Variants in RCOR3 observed in about 807,000 individuals in gnomAD.
The protein encoded by RCOR3 is REST corepressor 3.
Under a neutral mutation model 64.1 loss-of-function variants are expected in RCOR3, and 13 were observed. The observed-to-expected ratio is 0.20, with a 90% confidence interval of 0.13 to 0.32. RCOR3 has a LOEUF of 0.32. RCOR3 is among the 10% of genes least tolerant of loss of function. RCOR3 has a pLI of 1.00. For missense variants in RCOR3, 489 were observed against 701.2 expected (o/e 0.70, Z 3.42); for synonymous variants, 215 against 239.0 (o/e 0.90, Z 0.93).
intron 10 of RCOR3, among the ~76,000 whole-genome samples, chr1:211,308,666 T>C (rs1043735816): frequency 3.9e-5 from 1 of 25,602 alleles, no homozygotes; most frequent in Admixed American, 4.7e-4. Flanking sequence ...GATGTGTTTT[T>C]TTTTTTGTTT....
intron 2 of RCOR3, among the ~76,000 whole-genome samples, chr1:211,262,147 C>T (rs1353167368): frequency 8.3e-5 from 11 of 132,538 alleles, no homozygotes; most frequent in Non-Finnish European, 1.5e-4. Flanking sequence ...AAGCGATTGT[C>T]CTGCCTCAGC....
chr1:211,277,779 A>G (rs922220712), intron 5 of RCOR3, among the ~76,000 whole-genome samples: 6 of 152,188 alleles, frequency 3.9e-5, no homozygotes, highest in Non-Finnish European at 2.9e-5. Flanking sequence ...CACCAAAACC[A>G]CTAATATGTA....
intron 7 of RCOR3, 83 bp downstream of exon 7, chr1:211,279,399 CT>C: frequency 1.0e-6 from 1 of 975,314 alleles, no homozygotes; most frequent in South Asian, 1.5e-5. Flanking sequence ...TTAAGAAAAA[CT>C]TTTTAATGTA....
intron 10 of RCOR3, among the ~76,000 whole-genome samples, chr1:211,308,676 T>TG (rs1477538683): frequency 9.5e-4 from 34 of 35,900 alleles, no homozygotes; most frequent in African/African-American, 2.4e-3. Flanking sequence ...TTTTTTTGTT[T>TG]TTTTTTTGTT....
chr1:211,307,371 C>T (rs777318706), intron 10 of RCOR3, among the ~76,000 whole-genome samples: 4 of 151,924 alleles, frequency 2.6e-5, no homozygotes, highest in Non-Finnish European at 5.9e-5. Context: ...CACGTGTAGT[C>T]CCAGCTGCTT....
intron 9 of RCOR3, among the ~76,000 whole-genome samples, chr1:211,299,006 CAA>C (rs1229059854): frequency 7.8e-6 from 1 of 128,978 alleles, no homozygotes. Context: ...GACTCCGTCT[CAA>C]AAAAAAAAAG....
rs1055358765 is a variant in RCOR3, at chr1:211,315,377, CTG to C, written c.*1613_*1614del. ...ATTAGTTTTAATTTTTAATTTTAGACTGTGTATTTCCATAAATACCCTACGTA... is the reference window on the plus strand; with the variant it reads ...ATTAGTTTTAATTTTTAATTTTAGACTGTATTTCCATAAATACCCTACGTA... On this transcript the variant is annotated 3_prime_UTR_variant, in exon 12 of 12. Transcript: ENST00000419091. The C allele has an allele frequency of 3.5e-4, 54 of 152,286 alleles. No homozygotes were observed. The highest frequency in any genetic ancestry group is 1.2e-3 in the African/African-American group (51 of 41,554). The allele number at this position is 152,286 out of a possible 1,614,324, so 9.4% of individuals were successfully genotyped here. A position where few individuals can be genotyped will look rare whatever the true frequency, so the allele number is the denominator to read the frequency against.
chr1:211,312,001 A>C lies in RCOR3; in HGVS notation c.1076-719A>C, dbSNP rs141309977. Among the ~76,000 whole-genome samples the C allele has an allele frequency of 5.8e-4, 88 of 152,276 alleles. No individual in the cohort carries two copies. The highest frequency in any genetic ancestry group is 1.9e-3 in the African/African-American group (80 of 41,572). On this transcript the variant is annotated intron_variant, in intron 10 of 11. Coordinates refer to ENST00000419091, the MANE Select transcript of RCOR3 (RefSeq NM_001136223.3). This position sits in a 1 kb window ranked among gnomAD's most constrained non-coding sequence, Gnocchi z 5.0. ...TGATGAGCACAAGTGCTCTTCAGGT[A>C]GTCATTACTGTTACCTTATTCTTTA...
rs114833032 is a variant in RCOR3 at position 211,312,672 on chromosome 1, C to T, written c.1076-48C>T. 4,169 of 1,310,346 alleles carry T rather than the reference C, an allele frequency of 3.2e-3. 15 individuals are homozygous for T. Among genetic ancestry groups the T allele is most frequent in the Non-Finnish European group, 3.9e-3 (3,522 of 907,978 alleles). The allele number at this position is 1,310,346 out of a possible 1,614,324, so 81.2% of individuals were successfully genotyped here. On this transcript the variant is annotated intron_variant, in intron 10 of 11. Coordinates refer to ENST00000419091, the MANE Select transcript of RCOR3 (RefSeq NM_001136223.3). The surrounding 1 kb of genome is among the most constrained non-coding windows in gnomAD (Gnocchi z 5.0). ...TGTGCATGATGTATAGTACACACAG[C>T]TCTCCTTATTGATCCTTCACAGGTG...
At chr1:211,295,912 T>C (rs1699820994) in intron 9 of RCOR3, among the ~76,000 whole-genome samples, 159 bp downstream of exon 9, 1 of 152,266 alleles carries the variant, frequency 6.6e-6, no homozygotes, top group African/African-American at 2.4e-5. Context: ...GATGATCTTA[T>C]GAGGCTTGGT....
At chr1:211,280,845 G>A (rs1031625547) in intron 7 of RCOR3, among the ~76,000 whole-genome samples, 2 of 152,052 alleles carry the variant, frequency 1.3e-5, no homozygotes, top group East Asian at 1.9e-4. Flanking sequence ...TAGCCGGGGC[G>A]TGGTGGCACA....
chr1:211,267,821 G>T, intron 2 of RCOR3: 1 of 357,926 alleles, frequency 2.8e-6, no homozygotes, highest in Non-Finnish European at 5.4e-6. Context: ...TCAAACTCCG[G>T]GGCTCAAGCC....
chr1:211,308,686 T>TTTG (rs1701158051), intron 10 of RCOR3, among the ~76,000 whole-genome samples: 1 of 66,766 alleles, frequency 1.5e-5, no homozygotes, highest in South Asian at 6.3e-4. Context: ...TTTTTTTTGT[T>TTTG]TTTTTTTTTT....
intron 2 of RCOR3, among the ~76,000 whole-genome samples, chr1:211,261,628 A>G (rs1419252700): frequency 2.0e-5 from 3 of 152,148 alleles, no homozygotes; most frequent in Non-Finnish European, 4.4e-5. Flanking sequence ...TGGCTTTAAG[A>G]GACTGAATTC....
intron 2 of RCOR3, among the ~76,000 whole-genome samples, chr1:211,270,320 C>A (rs1695957688): frequency 6.6e-6 from 1 of 152,122 alleles, no homozygotes; most frequent in Non-Finnish European, 1.5e-5. Flanking sequence ...GCCTTAGCCT[C>A]CCAAAGTGCT....
chr1:211,260,172 T>C lies in RCOR3; in HGVS notation c.223+8T>C, dbSNP rs376613933. 2.6e-5 allele frequency: 42 copies of C among 1,611,378 alleles called. No homozygotes were observed. The highest frequency in any genetic ancestry group is 3.5e-5 in the Non-Finnish European group (41 of 1,178,084). ...TCCCTGAATTTGATCCAGGTAGATA[T>C]ATTTGCTTAAGCAAAATCTCATATC... On this transcript the variant is annotated splice_region_variant and intron_variant, in intron 2 of 11. Coordinates refer to ENST00000419091, the MANE Select transcript of RCOR3 (RefSeq NM_001136223.3).
At chr1:211,295,842 C>A in intron 9 of RCOR3, 89 bp downstream of exon 9, 1 of 864,418 alleles carries the variant, frequency 1.2e-6, no homozygotes, top group Non-Finnish European at 1.9e-6. Context: ...TGGTCACATG[C>A]ATCATTAATA....
At chr1:211,298,278 C>G (rs1333240349) in intron 9 of RCOR3, among the ~76,000 whole-genome samples, 1 of 152,124 alleles carries the variant, frequency 6.6e-6, no homozygotes, top group Non-Finnish European at 1.5e-5. Flanking sequence ...CTGGCAAGGA[C>G]AGTTAGAGAA....
chr1:211,296,685 A>G (rs1441898239), intron 9 of RCOR3, among the ~76,000 whole-genome samples: 2 of 152,168 alleles, frequency 1.3e-5, no homozygotes, highest in Non-Finnish European at 2.9e-5. Context: ...AATCTCTTTC[A>G]AGAAGGTTAG....
Sources: allele counts gnomAD v4.1 joint callset (sites outside exome capture counted in the v4.1 genomes callset), GRCh38; gene constraint gnomAD v4.1.1; non-coding constraint Gnocchi (gnomAD v3.1); transcripts MANE v1.5; gene names NCBI Gene and HGNC (gene_info 2026-07-23, HGNC 2026-07-21).